Variants in ZNF66 observed in about 807,000 individuals in gnomAD.
The protein encoded by ZNF66 is zinc finger protein 66, also known as putative zinc finger protein 66.
ZNF66 carries 32 observed loss-of-function variants against 35.2 expected under a neutral mutation model. The ratio of observed to expected loss-of-function variants is 0.91; its 90% CI spans 0.69 to 1.22. ZNF66 has a LOEUF of 1.22. Among genes scored for constraint, ZNF66 ranks in the 50% most tolerant of loss-of-function variants. ZNF66 has a pLI of 0.00. For synonymous variants in ZNF66, 231 were observed against 181.3 expected (o/e 1.27, Z -2.20); for missense variants, 666 against 543.1 (o/e 1.23, Z -2.25).
chr19:20,787,224 G>C (rs1019383342), intron 1 of ZNF66, among the ~76,000 whole-genome samples: 19 of 152,192 alleles, frequency 1.2e-4, no homozygotes, highest in African/African-American at 3.6e-4. Flanking sequence ...GCTAATTAAA[G>C]TGTAGATTCC....
chr19:20,808,896 C>A lies in ZNF66; in HGVS notation c.*1574C>A, dbSNP rs1007245914. ...GAAGGCTTCAGACGATCAAACTACT[C>A]CGAGCTACAGGAGGAAATTCAAACC... On this transcript the variant is annotated 3_prime_UTR_variant, in exon 4 of 4. Coordinates refer to ENST00000344519, the MANE Select transcript of ZNF66 (RefSeq NM_001355197.2). 2.0e-5 allele frequency among the ~76,000 whole-genome samples: 3 copies of A among 151,810 alleles called. No homozygotes were observed. The highest frequency in any genetic ancestry group is 6.6e-5 in the Admixed American group (1 of 15,212).
Position 20,776,393 on chromosome 19 carries a change from T to C in ZNF66, c.-55T>C. ...GCCCAGCCTCTGTGGCCCTGTGTCC[T>C]GCAGGTATTGGGAGATCCACAGCTA... On this transcript the variant is annotated 5_prime_UTR_variant, in exon 1 of 4. Coordinates refer to ENST00000344519, the MANE Select transcript of ZNF66 (RefSeq NM_001355197.2). 6.5e-7 allele frequency: 1 copy of C among 1,545,120 alleles called. No individual in the cohort carries two copies. The highest frequency in any genetic ancestry group is 8.9e-7 in the Non-Finnish European group (1 of 1,119,322).
At position 20,807,866 on chromosome 19, in the gene ZNF66, A is replaced by G. The variant is rs1194616260; in HGVS notation, c.*544A>G. On this transcript the variant is annotated 3_prime_UTR_variant, in exon 4 of 4. Transcript: ENST00000344519. ...GGGAGTGCCAGACAGTGGCTGCAGG[A>G]CAGTGGGTGCAGTGCACTGTGCATG... Among the ~76,000 whole-genome samples the G allele has an allele frequency of 6.6e-6, 1 of 152,164 alleles. No individual in the cohort carries two copies. Among genetic ancestry groups the G allele is most frequent in the East Asian group, 1.9e-4 (1 of 5,188 alleles).
chr19:20,799,652 C>G (rs963432295), intron 3 of ZNF66, among the ~76,000 whole-genome samples: 12 of 151,998 alleles, frequency 7.9e-5, no homozygotes, highest in South Asian at 2.1e-4. Context: ...TTCATTTTAT[C>G]AGTGTTGACA....
intron 1 of ZNF66, among the ~76,000 whole-genome samples, chr19:20,779,004 C>T (rs1971221131): frequency 1.3e-5 from 2 of 152,114 alleles, no homozygotes; most frequent in South Asian, 4.1e-4. Flanking sequence ...TGGGGAGCCT[C>T]CCGTGCAGGT....
chr19:20,799,665 C>T (rs1210376178), intron 3 of ZNF66, among the ~76,000 whole-genome samples: 1 of 152,046 alleles, frequency 6.6e-6, no homozygotes, highest in Non-Finnish European at 1.5e-5. Context: ...TGTTGACATT[C>T]AGTTTTCAAC....
intron 3 of ZNF66, among the ~76,000 whole-genome samples, chr19:20,805,456 T>G (rs1404996497): frequency 6.6e-6 from 1 of 152,128 alleles, no homozygotes; most frequent in Admixed American, 6.5e-5. Flanking sequence ...CCTCCCAAAG[T>G]GCTGAGATTA....
intron 3 of ZNF66, among the ~76,000 whole-genome samples, chr19:20,798,315 G>T (rs1251022060): frequency 6.6e-6 from 1 of 151,844 alleles, no homozygotes; most frequent in Non-Finnish European, 1.5e-5. Context: ...ACATTTCAGG[G>T]CCAGGCGTGG....
intron 3 of ZNF66, among the ~76,000 whole-genome samples, chr19:20,797,944 C>T (rs1263224977): frequency 6.6e-6 from 1 of 152,090 alleles, no homozygotes; most frequent in African/African-American, 2.4e-5. Context: ...TGCAATTCTG[C>T]TTGTATACTT....
At chr19:20,797,552 T>C (rs1971407284) in intron 3 of ZNF66, among the ~76,000 whole-genome samples, 2 of 83,616 alleles carry the variant, frequency 2.4e-5, no homozygotes, top group Admixed American at 2.1e-4. Flanking sequence ...TTTATATTAG[T>C]GTGTTTTTCA....
intron 3 of ZNF66, among the ~76,000 whole-genome samples, chr19:20,803,477 T>G (rs1971470505): frequency 6.6e-6 from 1 of 152,044 alleles, no homozygotes; most frequent in South Asian, 2.1e-4. Context: ...CATACAAAAA[T>G]TTTTCATCAT....
At chr19:20,804,621 T>C (rs1042325501) in intron 3 of ZNF66, among the ~76,000 whole-genome samples, 2 of 152,140 alleles carry the variant, frequency 1.3e-5, no homozygotes, top group African/African-American at 4.8e-5. Flanking sequence ...CACTCACTGA[T>C]GGGGCCATGT....
At chr19:20,782,125 C>T (rs1176455047) in intron 1 of ZNF66, among the ~76,000 whole-genome samples, 2 of 151,812 alleles carry the variant, frequency 1.3e-5, no homozygotes, top group South Asian at 2.1e-4. Flanking sequence ...TTGTATTTTC[C>T]GTGGAGACAG....
Position 20,808,968 on chromosome 19 carries a change from C to A in ZNF66, c.*1646C>A, listed in dbSNP as rs556903140. Among the ~76,000 whole-genome samples the A allele has an allele frequency of 8.6e-5, 13 of 151,988 alleles. No individual in the cohort carries two copies. Among genetic ancestry groups the A allele is most frequent in the African/African-American group, 1.9e-4 (8 of 41,436 alleles). ...TTAGACGAATGTATAACTAGAATAA[C>A]CAATGCAGAGAAATGCTTAAAGGAG... On this transcript the variant is annotated 3_prime_UTR_variant, in exon 4 of 4. Transcript: ENST00000344519.
At position 20,808,154 on chromosome 19, in the gene ZNF66, G is replaced by T. The variant is rs1160181362; in HGVS notation, c.*832G>T. ...AAACTGCAAGGCAGCAGCGAGGCTG[G>T]GGGAGGAGCGCCTGCCATTGCCCAG... On this transcript the variant is annotated 3_prime_UTR_variant, in exon 4 of 4. Coordinates refer to ENST00000344519, the MANE Select transcript of ZNF66 (RefSeq NM_001355197.2). Among the ~76,000 whole-genome samples, 2 of 152,158 alleles carry T rather than the reference G, an allele frequency of 1.3e-5. No individual in the cohort carries two copies. Among genetic ancestry groups the T allele is most frequent in the Non-Finnish European group, 2.9e-5 (2 of 68,020 alleles).
At chr19:20,782,709 G>C (rs1251797522) in intron 1 of ZNF66, among the ~76,000 whole-genome samples, 1 of 152,062 alleles carries the variant, frequency 6.6e-6, no homozygotes, top group Non-Finnish European at 1.5e-5. Context: ...ACAATTTAAT[G>C]AAGTTGTTTG....
rs541000075 is a variant in ZNF66, at chr19:20,809,274, G to A, written c.*1952G>A. On this transcript the variant is annotated 3_prime_UTR_variant, in exon 4 of 4. Coordinates refer to ENST00000344519, the MANE Select transcript of ZNF66 (RefSeq NM_001355197.2). ...ACACTCTGCAGGATATTATCCAGGA[G>A]AACTTCCCCAATCTAGCAAGGCAGG... Among the ~76,000 whole-genome samples the A allele has an allele frequency of 2.6e-4, 40 of 152,156 alleles. No individual in the cohort carries two copies. Among genetic ancestry groups the A allele is most frequent in the Non-Finnish European group, 4.9e-4 (33 of 68,032 alleles).
At chr19:20,802,612 C>G (rs551843700) in intron 3 of ZNF66, among the ~76,000 whole-genome samples, 1 of 152,186 alleles carries the variant, frequency 6.6e-6, no homozygotes, top group South Asian at 2.1e-4. Context: ...AACTTGTGGT[C>G]TATATAGGAG....
intron 3 of ZNF66, among the ~76,000 whole-genome samples, chr19:20,795,759 A>G (rs1418116228): frequency 6.6e-6 from 1 of 152,186 alleles, no homozygotes; most frequent in Non-Finnish European, 1.5e-5. Context: ...GGATCCCAGT[A>G]AAGTCCAAAG....
Sources: allele counts gnomAD v4.1 joint callset (sites outside exome capture counted in the v4.1 genomes callset), GRCh38; gene constraint gnomAD v4.1.1; transcripts MANE v1.5; gene names NCBI Gene and HGNC (gene_info 2026-07-23, HGNC 2026-07-21).